PIGS: variants seen among roughly 807,000 people sequenced by gnomAD.
PIGS encodes GPI-anchor transamidase component PIGS.
A neutral mutation model predicts 58.2 loss-of-function variants in PIGS; 37 were observed. The ratio of observed to expected loss-of-function variants is 0.64; its 90% CI spans 0.49 to 0.84. The LOEUF (loss-of-function observed/expected upper bound fraction) is 0.84, where lower values mean the gene tolerates loss of function less well. Among genes scored for constraint, PIGS ranks in the 40% least tolerant of loss-of-function variants. The pLI is 0.00. For missense variants in PIGS, 629 were observed against 710.8 expected (o/e 0.88, Z 1.31); for synonymous variants, 269 against 289.2 (o/e 0.93, Z 0.71).
intron 3 of PIGS, among the ~76,000 whole-genome samples, chr17:28,567,198 A>G (rs920433670): frequency 6.6e-6 from 1 of 152,244 alleles, no homozygotes; most frequent in Non-Finnish European, 1.5e-5. Context: ...AAAATGGAAC[A>G]ACTAGCCATT....
chr17:28,556,839 C>A lies in PIGS; in HGVS notation c.1068G>T (p.Trp356Cys). ...GTGTGACTATTACCATAATGCCACC[C>A]CAGCGGGGACTATGGAAGGCATTGG... ...VATNAFHSPR[W>C]GGIMVYNVDS... Residue 356 changes from tryptophan (W) to cysteine (C), a missense_variant, in exon 9 of 12, where the codon TGG becomes TGT. Transcript: ENST00000308360. The A allele has an allele frequency of 6.2e-7, 1 of 1,613,842 alleles. No homozygotes were observed. The highest frequency in any genetic ancestry group is 1.1e-5 in the South Asian group (1 of 91,046).
At chr17:28,564,224 C>G (rs2070382177) in intron 3 of PIGS, among the ~76,000 whole-genome samples, 1 of 152,206 alleles carries the variant, frequency 6.6e-6, no homozygotes, top group Admixed American at 6.5e-5. Flanking sequence ...TATGGTCATT[C>G]CAATCACTGC....
chr17:28,560,363 G>A (rs2070356100), intron 6 of PIGS, 172 bp from the exon 7 acceptor site: 1 of 731,462 alleles, frequency 1.4e-6, no homozygotes, highest in Non-Finnish European at 2.1e-6. Flanking sequence ...AGAAAAAGCT[G>A]CCGGGCGCTG....
In PIGS at chr17:28,554,463, C is replaced by T. The variant is rs1166968521; in HGVS notation, c.1425G>A (p.Ser475=). Reference sequence around the variant, plus strand: ...GGTGCCCAGACGCCAACTCTTCTGCCGACTTCTGGACGGCAGCTACAGCCT... The same window carrying T: ...GGTGCCCAGACGCCAACTCTTCTGCTGACTTCTGGACGGCAGCTACAGCCT... The part of the protein sequence containing the change: ...VYKAVAAVQK[S]AEELASGHLA... Residue 475 remains serine (S), a synonymous_variant, in exon 12 of 12, where the codon TCG becomes TCA. Transcript: ENST00000308360. The T allele has an allele frequency of 4.3e-6, 7 of 1,614,118 alleles. No individual in the cohort carries two copies. Among genetic ancestry groups the T allele is most frequent in the East Asian group, 2.2e-5 (1 of 44,878 alleles).
In PIGS at chr17:28,571,308, G is replaced by A; in HGVS notation, c.35-120C>T. On this transcript the variant is annotated intron_variant, in intron 1 of 11. Transcript: ENST00000308360. Reference sequence around the variant, plus strand: ...GGCCCGCGTTCATTGGGATCTCCGTGCGAAGGGACCCGGCCCAAGCCTGAA... The same window carrying A: ...GGCCCGCGTTCATTGGGATCTCCGTACGAAGGGACCCGGCCCAAGCCTGAA... 3 of 1,515,354 alleles carry A rather than the reference G, an allele frequency of 2.0e-6. 1 individual carries two copies. The South Asian group carries it at 3.8e-5, about 19-fold the overall frequency. The allele number at this position is 1,515,354 out of a possible 1,614,324, so 93.9% of individuals were successfully genotyped here.
At chr17:28,555,225 CA>C (rs546838001) in intron 10 of PIGS, 164 bp from the exon 11 acceptor site, 167 of 628,518 alleles carry the variant, frequency 2.7e-4, no homozygotes, top group Non-Finnish European at 4.2e-4. Context: ...TAAGGGGCAA[CA>C]CCAAACAAGT....
At chr17:28,570,517 TAATA>T (rs965515518) in intron 3 of PIGS, among the ~76,000 whole-genome samples, 4 of 152,086 alleles carry the variant, frequency 2.6e-5, no homozygotes, top group Admixed American at 6.6e-5. Flanking sequence ...TCTCAAAATA[TAATA>T]AATAAATAAA....
intron 9 of PIGS, chr17:28,556,598 A>G: frequency 1.4e-6 from 1 of 697,220 alleles, no homozygotes; most frequent in Non-Finnish European, 2.5e-6. Context: ...ACACAGAATG[A>G]TCCTAGGTAA....
rs762057695 is a variant in PIGS, at chr17:28,560,085, G to A, written c.783C>T (p.Ala261=). 6.2e-7 allele frequency: 1 copy of A among 1,612,520 alleles called. No homozygotes were observed. Residue 261 remains alanine (A), a synonymous_variant, in exon 7 of 12, where the codon GCC becomes GCT. Coordinates refer to ENST00000308360, the MANE Select transcript of PIGS (RefSeq NM_033198.4). ...CAGAGAAGTTGCCAGCGGCACCGAG[G>A]GCATTCAGGAAAGGTTGCACATAGC... ...VRRYVQPFLN[A]LGAAGNFSVD...
chr17:28,563,763 T>C, intron 4 of PIGS, 55 bp downstream of exon 4: 5 of 1,524,756 alleles, frequency 3.3e-6, no homozygotes, highest in Non-Finnish European at 4.5e-6. Flanking sequence ...CACTTAGAGA[T>C]CAGAAGGAAA....
chr17:28,563,729 G>A, intron 4 of PIGS, 89 bp downstream of exon 4: 1 of 1,415,150 alleles, frequency 7.1e-7, no homozygotes, highest in South Asian at 1.2e-5. Context: ...GGTTTTGGAA[G>A]TAAGCCAAAG....
In PIGS at chr17:28,554,315, G is replaced by A. The variant is rs752757269; in HGVS notation, c.1573C>T (p.Leu525Phe). 15 of 1,614,092 alleles carry A rather than the reference G, an allele frequency of 9.3e-6. No homozygotes were observed. In the East Asian group the frequency reaches 3.1e-4, roughly 34 times the overall value. Residue 525 changes from leucine (L) to phenylalanine (F), a missense_variant, in exon 12 of 12, where the codon CTC becomes TTC. Transcript: ENST00000308360. Reference sequence around the variant, plus strand: ...ATGGGCACAGCCATAGGCAGGAAGAGTGGGATGTAGATGGCAAACTTCTGG... The same window carrying A: ...ATGGGCACAGCCATAGGCAGGAAGAATGGGATGTAGATGGCAAACTTCTGG... ...DDQKFAIYIP[L>F]FLPMAVPILL...
At chr17:28,565,224 A>G (rs560329927) in intron 3 of PIGS, among the ~76,000 whole-genome samples, 4 of 152,350 alleles carry the variant, frequency 2.6e-5, no homozygotes, top group South Asian at 4.1e-4. Context: ...GCAATATCCA[A>G]TTAGAAACAT....
In PIGS at chr17:28,558,487, T is replaced by C. The variant is rs1426262136; in HGVS notation, c.923A>G (p.Glu308Gly). The change falls in exon 8 of 12, where the codon GAG becomes GGG. Residue 308 changes from glutamate (E) to glycine (G), a missense_variant. Transcript: ENST00000308360. ...HSLPHVINPVESRLGSSAASL... is the reference protein window; with the variant it reads ...HSLPHVINPVGSRLGSSAASL... ...CCTTAGGTGCTCACCCAGCCGGGAC[T>C]CCACTGGGTTGATGACATGGGGGAG... 1.2e-6 allele frequency: 2 copies of C among 1,611,280 alleles called. No homozygotes were observed. The highest frequency in any genetic ancestry group is 2.2e-5 in the East Asian group (1 of 44,848).
intron 3 of PIGS, among the ~76,000 whole-genome samples, chr17:28,566,271 C>CTTTTTTTTTTTTTTTTTTTT (rs57310687): frequency 3.1e-5 from 3 of 97,808 alleles, no homozygotes; most frequent in Non-Finnish European, 5.6e-5. Flanking sequence ...TTTTTCTTTT[C>CTTTTTTTTTTTTTTTTTTTT]TTTTTTTTTT....
intron 10 of PIGS, 171 bp from the exon 11 acceptor site, chr17:28,555,232 C>T: frequency 5.1e-6 from 3 of 590,826 alleles, no homozygotes; most frequent in Non-Finnish European, 8.7e-6. Flanking sequence ...CAACACCAAA[C>T]AAGTTGGCCC....
intron 1 of PIGS, 109 bp downstream of exon 1, chr17:28,571,354 C>T: frequency 6.5e-7 from 1 of 1,530,180 alleles, no homozygotes; most frequent in East Asian, 2.4e-5. Context: ...TCTGAAGAGA[C>T]CCCCGAGCCC....
intron 8 of PIGS, among the ~76,000 whole-genome samples, chr17:28,557,655 A>G (rs946023122): frequency 1.3e-5 from 2 of 152,216 alleles, no homozygotes; most frequent in African/African-American, 4.8e-5. Context: ...TCCTTGGGCC[A>G]CACTAGCCTG....
intron 3 of PIGS, among the ~76,000 whole-genome samples, chr17:28,566,593 C>CTT (rs959977540): frequency 5.3e-5 from 7 of 131,408 alleles, no homozygotes; most frequent in South Asian, 2.4e-4. Flanking sequence ...GCCCAGCCTA[C>CTT]TTTTTTTTTT....
Sources: allele counts gnomAD v4.1 joint callset (sites outside exome capture counted in the v4.1 genomes callset), GRCh38; gene constraint gnomAD v4.1.1; transcripts MANE v1.5; gene names NCBI Gene and HGNC (gene_info 2026-07-23, HGNC 2026-07-21).